The following IGF2BP3 variants were observed in gnomAD, a reference collection of about 807,000 sequenced individuals.
IGF2BP3 encodes insulin-like growth factor 2 mRNA-binding protein 3.
In IGF2BP3, 9 loss-of-function variants were observed where a neutral mutation model predicts 73.8. The observed-to-expected ratio is 0.12, with a 90% CI of 0.07 to 0.21. The LOEUF (loss-of-function observed/expected upper bound fraction) is 0.21, where lower values mean the gene tolerates loss of function less well. Ranked by LOEUF, IGF2BP3 falls within the 10% of genes least tolerant of loss-of-function variation. The pLI is 1.00. For synonymous variants in IGF2BP3, 258 were observed against 256.7 expected, an observed-to-expected ratio of 1.01 and a Z score of -0.05; for missense variants, 542 against 714.0, an observed-to-expected ratio of 0.76 and a Z score of 2.75.
chr7:23,452,903 G>A (rs1788235356), intron 2 of IGF2BP3, among the ~76,000 whole-genome samples: 2 of 151,820 alleles, frequency 1.3e-5, no homozygotes, highest in South Asian at 4.2e-4. Context: ...AACGAGGTCA[G>A]GAGATCGAGA....
chr7:23,390,601 A>G (rs1173307306), intron 3 of IGF2BP3, among the ~76,000 whole-genome samples: 1 of 152,128 alleles, frequency 6.6e-6, no homozygotes, highest in Non-Finnish European at 1.5e-5. Context: ...CATGAATGAA[A>G]TCCCTCACAT....
Position 23,349,282 on chromosome 7 carries a change from A to C in IGF2BP3, c.684-1548T>G, listed in dbSNP as rs139035606. ...AGTGACCACTTGATCATGCCAATAA[A>C]ATCAAGATTTGGCTTTCATTTTCCT... On this transcript the variant is annotated intron_variant, in intron 6 of 14. Transcript: ENST00000258729. 3.3e-3 allele frequency among the ~76,000 whole-genome samples: 507 copies of C among 152,306 alleles called. 5 individuals are homozygous for C. The highest frequency in any genetic ancestry group is 0.01 in the African/African-American group (433 of 41,558).
intron 2 of IGF2BP3, among the ~76,000 whole-genome samples, chr7:23,442,408 G>T (rs1787958000): frequency 6.6e-6 from 1 of 151,496 alleles, no homozygotes; most frequent in Admixed American, 6.6e-5. Context: ...TTTTTGTTTT[G>T]TTTTTTTTAG....
chr7:23,454,941 T>C (rs897881777), intron 2 of IGF2BP3, among the ~76,000 whole-genome samples: 2 of 152,230 alleles, frequency 1.3e-5, no homozygotes, highest in Non-Finnish European at 2.9e-5. Flanking sequence ...ATAAGATTCC[T>C]AGTCCTGTAT....
At chr7:23,383,627 C>G (rs570846918) in intron 3 of IGF2BP3, among the ~76,000 whole-genome samples, 19 of 152,112 alleles carry the variant, frequency 1.2e-4, no homozygotes, top group African/African-American at 4.1e-4. Flanking sequence ...AAGTGAACTC[C>G]TAGAAACATA....
intron 3 of IGF2BP3, among the ~76,000 whole-genome samples, chr7:23,392,517 C>T (rs887247648): frequency 1.7e-4 from 25 of 149,750 alleles, no homozygotes; most frequent in African/African-American, 6.3e-4. Flanking sequence ...CATATATATA[C>T]ACACACACAT....
intron 10 of IGF2BP3, among the ~76,000 whole-genome samples, chr7:23,320,226 T>C (rs960134413): frequency 2.0e-5 from 3 of 152,162 alleles, no homozygotes; most frequent in African/African-American, 7.2e-5. Context: ...TTGCATTTTA[T>C]ACATGAAAAA....
chr7:23,349,941 C>T (rs17148048), intron 6 of IGF2BP3, among the ~76,000 whole-genome samples: 1,644 of 152,240 alleles, frequency 0.011, 24 homozygotes, highest in African/African-American at 0.037. Flanking sequence ...AGATTAAAGC[C>T]AGGCCGACTG....
intron 2 of IGF2BP3, among the ~76,000 whole-genome samples, chr7:23,430,535 GAACTAAACCTATGTC>G (rs1224601318): frequency 6.6e-6 from 1 of 152,174 alleles, no homozygotes; most frequent in African/African-American, 2.4e-5. Flanking sequence ...CAGCTGTGCC[GAACTAAACCTATGTC>G]CAAAGAGGAC....
intron 2 of IGF2BP3, among the ~76,000 whole-genome samples, chr7:23,460,057 C>T (rs955119410): frequency 1.5e-4 from 23 of 148,686 alleles, no homozygotes; most frequent in Non-Finnish European, 1.0e-4. Context: ...AGCAAGACAT[C>T]GTCTCTACTA....
At chr7:23,316,522 T>C (rs1490517656) in intron 12 of IGF2BP3, among the ~76,000 whole-genome samples, 5 of 151,402 alleles carry the variant, frequency 3.3e-5, no homozygotes, top group Non-Finnish European at 7.4e-5. Flanking sequence ...CTACTAAAAA[T>C]AAATTGGCTG....
intron 2 of IGF2BP3, among the ~76,000 whole-genome samples, chr7:23,450,133 C>T (rs904629723): frequency 7.9e-5 from 12 of 152,226 alleles, no homozygotes; most frequent in Middle Eastern, 3.4e-3. Flanking sequence ...GCATTTGCAG[C>T]GAAGAATTAT....
At chr7:23,442,554 C>T (rs529424452) in intron 2 of IGF2BP3, among the ~76,000 whole-genome samples, 7 of 152,076 alleles carry the variant, frequency 4.6e-5, no homozygotes, top group East Asian at 1.9e-4. Flanking sequence ...CCCACTACCA[C>T]GCCCAGCTAA....
chr7:23,333,600 G>T (rs934777852), intron 10 of IGF2BP3, among the ~76,000 whole-genome samples: 4 of 152,168 alleles, frequency 2.6e-5, no homozygotes, highest in African/African-American at 9.7e-5. Context: ...GTAGATAAGG[G>T]TCAAAAGGAC....
intron 3 of IGF2BP3, among the ~76,000 whole-genome samples, chr7:23,398,063 C>CCT (rs1786534550): frequency 7.6e-6 from 1 of 130,880 alleles, no homozygotes; most frequent in Non-Finnish European, 1.6e-5. Flanking sequence ...ATCCCTCCCC[C>CCT]CGCCCCACCC....
chr7:23,321,479 G>A (rs367983299), intron 10 of IGF2BP3, among the ~76,000 whole-genome samples: 30 of 152,300 alleles, frequency 2.0e-4, no homozygotes, highest in South Asian at 6.2e-4. Flanking sequence ...ACTGCAAGGC[G>A]GCAGCGAGGC....
intron 5 of IGF2BP3, among the ~76,000 whole-genome samples, chr7:23,360,461 C>T (rs764684246): frequency 1.8e-4 from 27 of 152,206 alleles, no homozygotes; most frequent in Non-Finnish European, 2.8e-4. Flanking sequence ...ACATGGTTAT[C>T]TCCCAAGAGA....
At chr7:23,395,582 C>G (rs574916871) in intron 3 of IGF2BP3, among the ~76,000 whole-genome samples, 1 of 151,282 alleles carries the variant, frequency 6.6e-6, no homozygotes. Flanking sequence ...GGCAATATGG[C>G]GAGACCCCAT....
chr7:23,465,110 C>T (rs1238814726), intron 2 of IGF2BP3, among the ~76,000 whole-genome samples: 3 of 152,186 alleles, frequency 2.0e-5, no homozygotes. Context: ...GACATCAGTG[C>T]TATTTACATA....
Sources: allele counts gnomAD v4.1 joint callset (sites outside exome capture counted in the v4.1 genomes callset), GRCh38; gene constraint gnomAD v4.1.1; transcripts MANE v1.5; gene names NCBI Gene and HGNC (gene_info 2026-07-23, HGNC 2026-07-21).